The following GET1 variants were observed in gnomAD, a reference collection of about 807,000 sequenced individuals.
GET1 encodes the protein guided entry of tail-anchored proteins factor 1.
A neutral mutation model predicts 22.6 loss-of-function variants in GET1; 20 were observed. The ratio of observed to expected loss-of-function variants is 0.89; its 90% CI spans 0.62 to 1.29. The LOEUF is 1.29. Ranked by LOEUF, GET1 falls within the 50% of genes most tolerant of loss-of-function variation. GET1 has a pLI of 0.00. For missense variants in GET1, 209 were observed against 219.9 expected (o/e 0.95, Z 0.31); for synonymous variants, 92 against 83.8 (o/e 1.10, Z -0.53).
intron 1 of GET1, chr21:39,423,215 T>C (rs774362040): frequency 1.9e-6 from 3 of 1,611,814 alleles, no homozygotes. Flanking sequence ...TGTTTAGCCA[T>C]AATTTGAGGT....
At chr21:39,398,525 T>C (rs2038756846), downstream of GET1, among the ~76,000 whole-genome samples, 1 of 152,154 alleles carries the variant, frequency 6.6e-6, no homozygotes, top group Admixed American at 6.5e-5. Flanking sequence ...ACTTTCCCCA[T>C]GCGTGAATAG....
chr21:39,415,795 T>C (rs2041037062), intron 1 of GET1, among the ~76,000 whole-genome samples: 1 of 152,222 alleles, frequency 6.6e-6, no homozygotes, highest in South Asian at 2.1e-4. Flanking sequence ...TATTTAATCG[T>C]AGAAATGGGG....
chr21:39,381,806 C>G (rs969810156), intron 1 of GET1, among the ~76,000 whole-genome samples: 8 of 152,136 alleles, frequency 5.3e-5, no homozygotes, highest in African/African-American at 1.9e-4. Context: ...GGTGTAATCT[C>G]GACTCATTGC....
intron 1 of GET1, among the ~76,000 whole-genome samples, chr21:39,385,927 A>C (rs1380007006): frequency 6.6e-6 from 1 of 151,870 alleles, no homozygotes; most frequent in African/African-American, 2.4e-5. Flanking sequence ...GCGCCCTAGG[A>C]CTGGCGCTGG....
Position 39,411,816 on chromosome 21 carries a change from C to A in GET1, c.*23+879C>A, listed in dbSNP as rs767200406. ...ACGATCCTTTTCCTAAAAAGAACCA[C>A]AAAACCAATTTTTCTATAAATGCTT... On this transcript the variant is annotated intron_variant, in intron 1 of 1. Coordinates refer to the GET1 transcript ENST00000478273. The A allele has an allele frequency of 3.4e-6, 5 of 1,490,132 alleles. No individual in the cohort carries two copies. The Admixed American group carries it at 5.9e-5, about 17-fold the overall frequency. The allele number at this position is 1,490,132 out of a possible 1,614,324, so 92.3% of individuals were successfully genotyped here.
intron 1 of GET1, among the ~76,000 whole-genome samples, chr21:39,382,386 C>T (rs551571848): frequency 1.3e-4 from 20 of 152,244 alleles, no homozygotes; most frequent in Non-Finnish European, 2.1e-4. Flanking sequence ...CTCCTCTAAC[C>T]GAAACTCTCG....
At chr21:39,380,774 C>G (rs532968388) in intron 1 of GET1, 15 of 1,118,204 alleles carry the variant, frequency 1.3e-5, no homozygotes, top group Non-Finnish European at 1.5e-5. Context: ...CCTAGTGCCC[C>G]GCTGTCAGCC....
chr21:39,386,328 C>G (rs1448948532), intron 1 of GET1: 1 of 152,224 alleles, frequency 6.6e-6, no homozygotes, highest in Non-Finnish European at 1.5e-5. Context: ...GGAATGGTCC[C>G]CAAGTATTAG....
At chr21:39,408,515 A>G (rs903618137), downstream of GET1, 23 of 152,272 alleles carry the variant, frequency 1.5e-4, no homozygotes, top group African/African-American at 5.3e-4. Flanking sequence ...GCTCCATTAG[A>G]CCTCCAGGTC....
At chr21:39,420,627 A>G (rs1013738943) in intron 1 of GET1, 5 of 1,280,136 alleles carry the variant, frequency 3.9e-6, no homozygotes, top group Admixed American at 4.0e-5. Flanking sequence ...AAAATCACTT[A>G]AAGATATAAT....
intron 2 of GET1, 40 bp downstream of exon 2, chr21:39,390,903 G>C: frequency 6.2e-7 from 1 of 1,606,772 alleles, no homozygotes; most frequent in Non-Finnish European, 8.5e-7. Flanking sequence ...CATGAGAGCG[G>C]ATGAATAGAG....
At chr21:39,425,121 GAGA>G (rs1386575858) in intron 1 of GET1, among the ~76,000 whole-genome samples, 1 of 152,182 alleles carries the variant, frequency 6.6e-6, no homozygotes, top group Non-Finnish European at 1.5e-5. Context: ...TCTAGATTCG[GAGA>G]AGGAGAAATT....
chr21:39,392,381 G>A (rs745523931), intron 3 of GET1, among the ~76,000 whole-genome samples: 4 of 152,094 alleles, frequency 2.6e-5, no homozygotes, highest in Admixed American at 6.6e-5. Flanking sequence ...AGCAGCTGCC[G>A]TAAATATCCG....
At chr21:39,405,876 T>C in intron 4 of GET1, 1 of 1,547,210 alleles carries the variant, frequency 6.5e-7, no homozygotes, top group East Asian at 2.3e-5. Flanking sequence ...AGGATATTGA[T>C]TATATTTAAA....
At chr21:39,391,246 CTCT>C (rs2038276096) in intron 2 of GET1, 1 of 223,996 alleles carries the variant, frequency 4.5e-6, no homozygotes, top group African/African-American at 2.3e-5. Flanking sequence ...CAGCAGTGTC[CTCT>C]TCTGAGTGTC....
chr21:39,411,781 T>G (rs2040123157), intron 1 of GET1: 1 of 1,589,444 alleles, frequency 6.3e-7, no homozygotes, highest in African/African-American at 1.3e-5. Flanking sequence ...ATGTTTTTAA[T>G]TTCAAGCTCA....
At chr21:39,380,782 G>T in intron 1 of GET1, 1 of 1,104,126 alleles carries the variant, frequency 9.1e-7, no homozygotes, top group Non-Finnish European at 1.1e-6. Flanking sequence ...CCCGCTGTCA[G>T]CCTCGTTTCC....
In GET1 at chr21:39,391,832, T is replaced by C; in HGVS notation, c.332T>C (p.Leu111Ser). 2 of 1,614,152 alleles carry C rather than the reference T, an allele frequency of 1.2e-6. No individual in the cohort carries two copies. Among genetic ancestry groups the C allele is most frequent in the Middle Eastern group, 1.7e-4 (1 of 6,060 alleles). Residue 111 changes from leucine to serine, a missense_variant, in exon 3 of 5, where the codon TTG (leucine) becomes TCG (serine). Coordinates refer to ENST00000649170, the MANE Select transcript of GET1 (RefSeq NM_004627.6). The stretch of plus-strand genomic sequence containing the variant: ...GTGATAAGTGTCGCTTTCTACGTAT[T>C]GCAGGTAAGTGTGCTAGAGCGTCAG... Reference protein sequence around the residue: ...KWVISVAFYVLQAALMISLIW... With the variant: ...KWVISVAFYVSQAALMISLIW...
chr21:39,391,666 A>G, intron 2 of GET1, 103 bp from the exon 3 acceptor site: 1 of 1,132,754 alleles, frequency 8.8e-7, no homozygotes, highest in Non-Finnish European at 1.3e-6. Flanking sequence ...TTCCATTTAT[A>G]ATCAGAAAGT....
Sources: gnomAD v4.1 joint callset for allele counts (sites outside exome capture counted in the v4.1 genomes callset) on GRCh38, gnomAD v4.1.1 for gene constraint, MANE v1.5 for transcripts, NCBI Gene and HGNC (gene_info 2026-07-23, HGNC 2026-07-21) for gene names.